Variants in ST6GAL2 observed in about 807,000 individuals in gnomAD.
ST6GAL2 encodes the protein ST6 beta-galactoside alpha-2,6-sialyltransferase 2, also known as beta-galactoside alpha-2,6-sialyltransferase 2.
ST6GAL2 carries 24 observed loss-of-function variants against 37.5 expected under a neutral mutation model. That is an observed-to-expected ratio of 0.64 (90% CI 0.46 to 0.90). The LOEUF (loss-of-function observed/expected upper bound fraction) is 0.90. Ranked by LOEUF, ST6GAL2 falls within the 40% of genes least tolerant of loss-of-function variation. ST6GAL2 has a pLI of 0.00. For synonymous variants in ST6GAL2, 306 were observed against 295.1 expected (o/e 1.04, Z -0.38); for missense variants, 715 against 712.7 (o/e 1.00, Z -0.04).
At chr2:106,826,947 A>G (rs566708352) in intron 5 of ST6GAL2, among the ~76,000 whole-genome samples, 1 of 152,332 alleles carries the variant, frequency 6.6e-6, no homozygotes, top group East Asian at 1.9e-4. Context: ...GGCCAGGGAC[A>G]CTGCCAGGGT....
At chr2:106,835,309 G>A (rs1009499187) in intron 2 of ST6GAL2, among the ~76,000 whole-genome samples, 5 of 152,130 alleles carry the variant, frequency 3.3e-5, no homozygotes, top group African/African-American at 4.8e-5. Flanking sequence ...CCCCGAGCCC[G>A]CACAAGTGCC....
chr2:106,828,956 C>T (rs936207091), intron 5 of ST6GAL2, among the ~76,000 whole-genome samples: 1 of 152,114 alleles, frequency 6.6e-6, no homozygotes, highest in African/African-American at 2.4e-5. Flanking sequence ...CAGTGTGATG[C>T]TCTTGTTATA....
At chr2:106,834,750 T>A (rs1188279244) in intron 2 of ST6GAL2, 1 of 152,352 alleles carries the variant, frequency 6.6e-6, no homozygotes, top group African/African-American at 2.4e-5. Flanking sequence ...CATTCTGCAT[T>A]AGCAGCAATA....
chr2:106,883,916 G>A (rs1325014430), intron 1 of ST6GAL2, among the ~76,000 whole-genome samples: 1 of 152,190 alleles, frequency 6.6e-6, no homozygotes, highest in African/African-American at 2.4e-5. Flanking sequence ...ATATCTCCAA[G>A]TTTTTGGAAA....
intron 1 of ST6GAL2, among the ~76,000 whole-genome samples, chr2:106,885,433 C>T (rs1278300716): frequency 6.6e-6 from 1 of 152,140 alleles, no homozygotes; most frequent in Non-Finnish European, 1.5e-5. Context: ...GGAAGGCAAT[C>T]ACAAAAAGTC....
At chr2:106,882,887 A>G (rs1489375654) in intron 1 of ST6GAL2, among the ~76,000 whole-genome samples, 1 of 152,218 alleles carries the variant, frequency 6.6e-6, no homozygotes, top group Non-Finnish European at 1.5e-5. Context: ...GTCCAGATAG[A>G]AGTCCTCCGC....
chr2:106,855,840 C>T lies in ST6GAL2; in HGVS notation c.-57-11806G>A, dbSNP rs142767482. Among the ~76,000 whole-genome samples the T allele has an allele frequency of 5.9e-5, 9 of 152,286 alleles. No individual in the cohort carries two copies. In the East Asian group the frequency reaches 1.7e-3, roughly 29 times the overall value. On this transcript the variant is annotated intron_variant, in intron 1 of 5. Transcript: ENST00000409382. ...CCCTTAAGTGACAATTCTTGCTGAT[C>T]TGGTAACACAAAACATACATCTAAC... is the stretch of plus-strand genomic sequence containing the variant.
chr2:106,834,228 C>A, intron 2 of ST6GAL2, 82 bp from the exon 3 acceptor site: 1 of 924,236 alleles, frequency 1.1e-6, no homozygotes, highest in Non-Finnish European at 1.8e-6. Flanking sequence ...GCAAATCTTT[C>A]AATACCTGAA....
intron 3 of ST6GAL2, 27 bp downstream of exon 3, chr2:106,834,022 T>TC: frequency 6.5e-7 from 1 of 1,533,044 alleles, no homozygotes; most frequent in Non-Finnish European, 9.0e-7. Context: ...GAAACATACA[T>TC]CCATGAAAAC....
chr2:106,850,299 G>T (rs1677305850), intron 1 of ST6GAL2, among the ~76,000 whole-genome samples: 2 of 152,160 alleles, frequency 1.3e-5, no homozygotes, highest in African/African-American at 4.8e-5. Flanking sequence ...GGCAGAGTTT[G>T]CTCTCTCTGC....
chr2:106,813,612 C>T lies in ST6GAL2; in HGVS notation c.1319-6663G>A, dbSNP rs1213336886. ...TTAATTGTGGTTATGCCAAAACTAT[C>T]TTGTTTTCCACTTGGCAGAATATTT... On this transcript the variant is annotated intron_variant, in intron 5 of 5. Coordinates refer to ENST00000409382, the MANE Select transcript of ST6GAL2 (RefSeq NM_001142351.2). Among the ~76,000 whole-genome samples, 2 of 152,190 alleles carry T rather than the reference C, an allele frequency of 1.3e-5. 1 individual carries two copies. The highest frequency in any genetic ancestry group is 2.9e-5 in the Non-Finnish European group (2 of 68,030).
rs1675327897 is a variant in ST6GAL2 at position 106,803,642 on chromosome 2, C to T, written c.*3036G>A. 1 of 152,012 alleles carries T rather than the reference C, an allele frequency of 6.6e-6. No homozygotes were observed. The highest frequency in any genetic ancestry group is 6.6e-5 in the Admixed American group (1 of 15,254). The allele number at this position is 152,012 out of a possible 1,614,324, so 9.4% of individuals were successfully genotyped here. ...ACAACAACAACAACAACAACAACAACAACAACAACAACAACAGGTGAAATT... is the reference window on the plus strand; with the variant it reads ...ACAACAACAACAACAACAACAACAATAACAACAACAACAACAGGTGAAATT... On this transcript the variant is annotated 3_prime_UTR_variant, in exon 6 of 6. Coordinates refer to ENST00000409382, the MANE Select transcript of ST6GAL2 (RefSeq NM_001142351.2).
intron 2 of ST6GAL2, among the ~76,000 whole-genome samples, chr2:106,836,386 G>A (rs1262350509): frequency 6.6e-6 from 1 of 152,042 alleles, no homozygotes; most frequent in Non-Finnish European, 1.5e-5. Flanking sequence ...AAGACTCTAC[G>A]AGGGCTAGTT....
At chr2:106,820,148 G>A (rs187429422) in intron 5 of ST6GAL2, among the ~76,000 whole-genome samples, 1 of 152,134 alleles carries the variant, frequency 6.6e-6, no homozygotes, top group East Asian at 1.9e-4. Context: ...TAAATGGCCT[G>A]AACTCTCCAG....
intron 1 of ST6GAL2, among the ~76,000 whole-genome samples, chr2:106,882,390 C>T (rs749521309): frequency 5.3e-5 from 8 of 152,192 alleles, no homozygotes; most frequent in Non-Finnish European, 8.8e-5. Flanking sequence ...TCAGTCTTCT[C>T]GCCTGTAAAA....
chr2:106,852,560 G>C (rs1287717963), intron 1 of ST6GAL2, among the ~76,000 whole-genome samples: 1 of 152,206 alleles, frequency 6.6e-6, no homozygotes, highest in Non-Finnish European at 1.5e-5. Context: ...ACATGGGCTG[G>C]CCTGTGGAAG....
intron 5 of ST6GAL2, among the ~76,000 whole-genome samples, chr2:106,824,643 A>G (rs1331901663): frequency 6.6e-6 from 1 of 152,216 alleles, no homozygotes; most frequent in Non-Finnish European, 1.5e-5. Flanking sequence ...AAACAAACAA[A>G]CAAACAGAAA....
At chr2:106,865,578 C>T (rs540589815) in intron 1 of ST6GAL2, among the ~76,000 whole-genome samples, 1 of 152,314 alleles carries the variant, frequency 6.6e-6, no homozygotes, top group African/African-American at 2.4e-5. Context: ...CGTTACACCT[C>T]TTCTCTCCAT....
intron 5 of ST6GAL2, among the ~76,000 whole-genome samples, chr2:106,808,108 G>A (rs1573197381): frequency 6.6e-6 from 1 of 152,326 alleles, no homozygotes; most frequent in Admixed American, 6.5e-5. Context: ...GAAGATGACA[G>A]TAATATTCCC....
Sources: gnomAD v4.1 joint callset for allele counts (sites outside exome capture counted in the v4.1 genomes callset) on GRCh38, gnomAD v4.1.1 for gene constraint, MANE v1.5 for transcripts, NCBI Gene and HGNC (gene_info 2026-07-23, HGNC 2026-07-21) for gene names.